TMEM108: variants seen among roughly 807,000 people sequenced by gnomAD.
TMEM108 encodes the protein cancer/testis antigen 124.
Under a neutral mutation model 35.1 loss-of-function variants are expected in TMEM108, and 12 were observed. That is an observed-to-expected ratio of 0.34 (90% confidence interval 0.22 to 0.55). The LOEUF (loss-of-function observed/expected upper bound fraction) is 0.55. TMEM108 is among the 20% of genes least tolerant of loss of function. TMEM108 has a pLI of 0.89. For synonymous variants in TMEM108, 287 were observed against 308.6 expected (o/e 0.93, Z 0.73); for missense variants, 680 against 753.3 (o/e 0.90, Z 1.14).
chr3:133,378,660 G>A (rs2072913928), intron 3 of TMEM108: 2 of 424,980 alleles, frequency 4.7e-6, no homozygotes, highest in Admixed American at 6.4e-5. Context: ...ATGCTTGCAT[G>A]AGGTACCATT....
intron 3 of TMEM108, among the ~76,000 whole-genome samples, chr3:133,248,937 C>T (rs1052249212): frequency 2.0e-5 from 3 of 152,166 alleles, no homozygotes; most frequent in African/African-American, 7.2e-5. Context: ...TGCACTCACT[C>T]CTGCTGCTGA....
intron 3 of TMEM108, among the ~76,000 whole-genome samples, chr3:133,318,805 C>T (rs752192350): frequency 3.3e-5 from 5 of 151,528 alleles, no homozygotes; most frequent in Non-Finnish European, 7.4e-5. Context: ...GACAGAATAG[C>T]ATGTGGAGAC....
chr3:133,253,411 G>A (rs1420597217), intron 3 of TMEM108: 5 of 152,038 alleles, frequency 3.3e-5, no homozygotes, highest in African/African-American at 1.2e-4. Flanking sequence ...ACTCTTCCTA[G>A]TCTCTGATTC....
intron 2 of TMEM108, among the ~76,000 whole-genome samples, chr3:133,200,918 A>T (rs1945653469): frequency 6.6e-6 from 1 of 152,182 alleles, no homozygotes; most frequent in African/African-American, 2.4e-5. Context: ...GCTAGTAGCT[A>T]CTCTATTGGA....
chr3:133,049,824 A>C (rs1943382228), intron 2 of TMEM108, among the ~76,000 whole-genome samples: 1 of 152,158 alleles, frequency 6.6e-6, no homozygotes, highest in Non-Finnish European at 1.5e-5. Flanking sequence ...GGTGGCAAGA[A>C]AATTTTCACC....
chr3:133,252,627 A>G (rs1463557797), intron 3 of TMEM108, among the ~76,000 whole-genome samples: 2 of 152,062 alleles, frequency 1.3e-5, no homozygotes, highest in African/African-American at 4.8e-5. Context: ...CAAGAGGAAG[A>G]GAGTTTGAGA....
intron 2 of TMEM108, among the ~76,000 whole-genome samples, chr3:133,090,397 A>G (rs1943933449): frequency 6.6e-6 from 1 of 152,240 alleles, no homozygotes; most frequent in Admixed American, 6.5e-5. Context: ...TTAAAAGGGA[A>G]CTATTACATA....
chr3:133,086,646 G>A (rs911825967), intron 2 of TMEM108, among the ~76,000 whole-genome samples: 20 of 152,324 alleles, frequency 1.3e-4, no homozygotes, highest in African/African-American at 4.8e-4. Context: ...TGGTGAACAA[G>A]ATAGGGTCCT....
At chr3:133,191,243 A>G (rs1484350801) in intron 2 of TMEM108, among the ~76,000 whole-genome samples, 5 of 152,122 alleles carry the variant, frequency 3.3e-5, no homozygotes, top group Admixed American at 6.5e-5. Context: ...AGAGTAGGCA[A>G]TTAGTTTCAG....
At chr3:133,369,368 G>T (rs571367553) in intron 3 of TMEM108, among the ~76,000 whole-genome samples, 1 of 152,320 alleles carries the variant, frequency 6.6e-6, no homozygotes, top group Non-Finnish European at 1.5e-5. Context: ...GGACGTATCC[G>T]TGTCCAGCAT....
chr3:133,373,144 A>T (rs886605344), intron 3 of TMEM108, among the ~76,000 whole-genome samples: 1 of 152,130 alleles, frequency 6.6e-6, no homozygotes, highest in African/African-American at 2.4e-5. Flanking sequence ...AGGCAGGCAG[A>T]TTGCTTGAAC....
intron 2 of TMEM108, among the ~76,000 whole-genome samples, chr3:133,182,164 C>G (rs1424799759): frequency 6.6e-6 from 1 of 151,888 alleles, no homozygotes; most frequent in East Asian, 1.9e-4. Context: ...GCTTTTTTTT[C>G]CAATTTTAAT....
intron 2 of TMEM108, among the ~76,000 whole-genome samples, chr3:133,077,824 A>G (rs1392733642): frequency 1.3e-5 from 2 of 152,142 alleles, no homozygotes; most frequent in East Asian, 3.9e-4. Flanking sequence ...TCTTTTGTGT[A>G]TAGAGTAAAT....
At chr3:133,044,174 G>T (rs1288014537) in intron 1 of TMEM108, among the ~76,000 whole-genome samples, 1 of 152,092 alleles carries the variant, frequency 6.6e-6, no homozygotes, top group African/African-American at 2.4e-5. Context: ...TTATATTTGG[G>T]TTTATGTAAT....
At chr3:133,217,102 T>C (rs6439391) in intron 2 of TMEM108, among the ~76,000 whole-genome samples, 116,232 of 151,944 alleles carry the variant, frequency 0.76, 44,683 homozygotes, top group East Asian at 0.95. Flanking sequence ...ATCTTGGATC[T>C]TTTTGGTAAT....
At chr3:133,226,274 G>C (rs1576395227) in intron 2 of TMEM108, among the ~76,000 whole-genome samples, 1 of 152,164 alleles carries the variant, frequency 6.6e-6, no homozygotes, top group Non-Finnish European at 1.5e-5. Context: ...TCATTTAAAA[G>C]GTGCTAGACT....
At position 133,388,555 on chromosome 3, in the gene TMEM108, C is replaced by T. The variant is rs867165346; in HGVS notation, c.1451-1625C>T. 17 of 985,392 alleles carry T rather than the reference C, an allele frequency of 1.7e-5. No homozygotes were observed. The African/African-American group carries it at 2.3e-4, about 13-fold the overall frequency. The allele number at this position is 985,392 out of a possible 1,614,324, so 61.0% of individuals were successfully genotyped here. A position where few individuals can be genotyped will look rare whatever the true frequency, so the allele number is the denominator to read the frequency against. On this transcript the variant is annotated intron_variant, in intron 4 of 5. Coordinates refer to ENST00000321871, the MANE Select transcript of TMEM108 (RefSeq NM_023943.4). ...TGTACCAGCTAATCTCTCAAATCCCCGTTAGCCCTAACACTCAGAAATTCC... is the reference window on the plus strand; with the variant it reads ...TGTACCAGCTAATCTCTCAAATCCCTGTTAGCCCTAACACTCAGAAATTCC...
At chr3:133,063,397 A>T (rs751652804) in intron 2 of TMEM108, among the ~76,000 whole-genome samples, 1 of 152,172 alleles carries the variant, frequency 6.6e-6, no homozygotes, top group East Asian at 1.9e-4. Flanking sequence ...TATAGATGTG[A>T]TAAAGATAAC....
chr3:133,347,143 A>G (rs951000200), intron 3 of TMEM108, among the ~76,000 whole-genome samples: 2 of 152,070 alleles, frequency 1.3e-5, no homozygotes, highest in Non-Finnish European at 2.9e-5. Context: ...TATAAACTTT[A>G]TAATCAGTTT....
Sources: gnomAD v4.1 joint callset for allele counts (sites outside exome capture counted in the v4.1 genomes callset) on GRCh38, gnomAD v4.1.1 for gene constraint, MANE v1.5 for transcripts, NCBI Gene and HGNC (gene_info 2026-07-23, HGNC 2026-07-21) for gene names.